SH3BP4: variants seen among roughly 807,000 people sequenced by gnomAD.
SH3BP4 encodes the protein SH3 domain-binding protein 4.
Under a neutral mutation model 65.5 loss-of-function variants are expected in SH3BP4, and 33 were observed. The ratio of observed to expected loss-of-function variants is 0.50; its 90% confidence interval spans 0.38 to 0.67. The LOEUF (loss-of-function observed/expected upper bound fraction) is 0.67, where lower values mean the gene tolerates loss of function less well. Among genes scored for constraint, SH3BP4 ranks in the 30% least tolerant of loss-of-function variants. The pLI, the probability that SH3BP4 is intolerant of heterozygous loss-of-function variation, is 0.00. For missense variants in SH3BP4, 1,134 were observed against 1,261.4 expected (o/e 0.90, Z 1.53); for synonymous variants, 552 against 545.5 (o/e 1.01, Z -0.17).
intron 2 of SH3BP4, among the ~76,000 whole-genome samples, chr2:235,032,602 T>A (rs1695240063): frequency 6.6e-6 from 1 of 152,186 alleles, no homozygotes; most frequent in Non-Finnish European, 1.5e-5. Flanking sequence ...CCGGGCTGCC[T>A]GGCTGTGGTA....
In SH3BP4 at chr2:234,967,622, C is replaced by T. The variant is rs1032722862; in HGVS notation, c.-207+15452C>T. 2.6e-5 allele frequency among the ~76,000 whole-genome samples: 4 copies of T among 152,298 alleles called. No homozygotes were observed. The highest frequency in any genetic ancestry group is 2.1e-4 in the South Asian group (1 of 4,828). The stretch of plus-strand genomic sequence containing the variant: ...GGAATTATTCTCATGGCTCCATATC[C>T]GCGTCAGGTTACCTCCTTCCCGTGC... On this transcript the variant is annotated intron_variant, in intron 1 of 5. Coordinates refer to ENST00000392011, the MANE Select transcript of SH3BP4 (RefSeq NM_014521.3). This position sits in a 1 kb window ranked among gnomAD's most constrained non-coding sequence, Gnocchi z 4.6.
At chr2:235,048,200 G>T (rs1427175824) in intron 4 of SH3BP4, among the ~76,000 whole-genome samples, 1 of 152,142 alleles carries the variant, frequency 6.6e-6, no homozygotes, top group Non-Finnish European at 1.5e-5. Context: ...AGGAGGATGG[G>T]CCCATTGTCC....
chr2:235,009,616 G>T (rs1413728081), intron 2 of SH3BP4, among the ~76,000 whole-genome samples: 20 of 151,978 alleles, frequency 1.3e-4, no homozygotes, highest in Non-Finnish European at 2.9e-4. Flanking sequence ...GCCTTTGGTG[G>T]TAACTGTTCT....
chr2:235,043,114 C>T lies in SH3BP4; in HGVS notation c.2345C>T (p.Pro782Leu), dbSNP rs374877819. 5 of 1,613,782 alleles carry T rather than the reference C, an allele frequency of 3.1e-6. No homozygotes were observed. Among genetic ancestry groups the T allele is most frequent in the Non-Finnish European group, 4.2e-6 (5 of 1,179,994 alleles). The change falls in exon 4 of 6, where the codon CCG becomes CTG. Residue 782 changes from proline to leucine, a missense_variant. Coordinates refer to ENST00000392011, the MANE Select transcript of SH3BP4 (RefSeq NM_014521.3). Reference sequence around the variant, plus strand: ...GACGCCCTGGGCTACGTGAACCTGCCGCTCACCTTTTTCTGCCGGGCAGAG... The same window carrying T: ...GACGCCCTGGGCTACGTGAACCTGCTGCTCACCTTTTTCTGCCGGGCAGAG... ...FADALGYVNL[P>L]LTFFCRAELD...
intron 3 of SH3BP4, among the ~76,000 whole-genome samples, chr2:235,040,472 C>G (rs558964317): frequency 6.6e-6 from 1 of 151,424 alleles, no homozygotes; most frequent in Non-Finnish European, 1.5e-5. Context: ...ATGCAGTGGT[C>G]ACCTAACTCA....
Position 235,053,792 on chromosome 2 carries a change from G to A in SH3BP4, c.2868G>A (p.Ala956=), listed in dbSNP as rs368908066. The A allele has an allele frequency of 1.4e-5, 23 of 1,614,042 alleles. No individual in the cohort carries two copies. Among genetic ancestry groups the A allele is most frequent in the African/African-American group, 4.0e-5 (3 of 74,940 alleles). The change falls in exon 6 of 6, where the codon GCG becomes GCA. Residue 956 remains alanine, a synonymous_variant. Coordinates refer to ENST00000392011, the MANE Select transcript of SH3BP4 (RefSeq NM_014521.3). ...TGAGAGCAGCCGCCTTCAGCCCTGC[G>A]GACCAGGACGACTTCGTGATTTGAA... ...DVLRAAAFSP[A]DQDDFVI
intron 2 of SH3BP4, among the ~76,000 whole-genome samples, chr2:235,031,223 C>T (rs568090363): frequency 3.9e-5 from 6 of 152,194 alleles, no homozygotes; most frequent in East Asian, 3.9e-4. Context: ...GTTGTTGACT[C>T]GTCTTCCTTG....
intron 2 of SH3BP4, among the ~76,000 whole-genome samples, chr2:235,024,511 C>T (rs1350409863): frequency 6.6e-6 from 1 of 152,150 alleles, no homozygotes; most frequent in African/African-American, 2.4e-5. Flanking sequence ...GTGTGTGTCA[C>T]TAATGAGAAC....
chr2:234,992,791 A>G (rs1693790544), intron 1 of SH3BP4, among the ~76,000 whole-genome samples: 1 of 141,814 alleles, frequency 7.1e-6, no homozygotes, highest in Admixed American at 7.1e-5. Context: ...AGATGGACAC[A>G]TTCCTGCCGT....
At chr2:235,009,283 C>T (rs1694398348) in intron 2 of SH3BP4, among the ~76,000 whole-genome samples, 1 of 152,186 alleles carries the variant, frequency 6.6e-6, no homozygotes, top group Non-Finnish European at 1.5e-5. Context: ...TGGGCCTCCA[C>T]TCTGCAAAGG....
At chr2:235,013,223 T>C (rs972557882) in intron 2 of SH3BP4, among the ~76,000 whole-genome samples, 1 of 152,206 alleles carries the variant, frequency 6.6e-6, no homozygotes, top group Non-Finnish European at 1.5e-5. Flanking sequence ...GCCTCCGCTG[T>C]CCGAGTGGCT....
chr2:235,046,136 C>G lies in SH3BP4; in HGVS notation c.2478+2889C>G, dbSNP rs766234165. ...CAGCTCCTGCAGATGCTATGCTGTTCCTCTTCCTGGAGCTCCCTTTCCCAG... is the reference window on the plus strand; with the variant it reads ...CAGCTCCTGCAGATGCTATGCTGTTGCTCTTCCTGGAGCTCCCTTTCCCAG... On this transcript the variant is annotated intron_variant, in intron 4 of 5. Transcript: ENST00000392011. This position sits in a 1 kb window ranked among gnomAD's most constrained non-coding sequence, Gnocchi z 4.2. Among the ~76,000 whole-genome samples the G allele has an allele frequency of 6.6e-6, 1 of 152,184 alleles. No homozygotes were observed. The highest frequency in any genetic ancestry group is 1.5e-5 in the Non-Finnish European group (1 of 68,034).
At chr2:234,998,902 C>G (rs1016238190) in intron 2 of SH3BP4, among the ~76,000 whole-genome samples, 10 of 152,170 alleles carry the variant, frequency 6.6e-5, no homozygotes, top group Non-Finnish European at 1.5e-5. Context: ...TTTGAGGTGT[C>G]CTGCAGGCAC....
intron 1 of SH3BP4, among the ~76,000 whole-genome samples, chr2:234,962,828 C>T (rs778299931): frequency 4.0e-5 from 6 of 151,608 alleles, no homozygotes; most frequent in Non-Finnish European, 8.8e-5. Context: ...TAGGTTCAAG[C>T]GATTCTCCCG....
rs1696183803 is a variant in SH3BP4 at position 235,055,101 on chromosome 2, C to T, written c.*1285C>T. On this transcript the variant is annotated 3_prime_UTR_variant, in exon 6 of 6. Coordinates refer to ENST00000392011, the MANE Select transcript of SH3BP4 (RefSeq NM_014521.3). ...GTGCAGACATGCTGTGTGAATCTCA[C>T]AATGCGTCGTAGATGTCGCGTGTTG... is the stretch of plus-strand genomic sequence containing the variant. The T allele has an allele frequency of 6.6e-6, 1 of 152,174 alleles. No homozygotes were observed. The highest frequency in any genetic ancestry group is 1.5e-5 in the Non-Finnish European group (1 of 68,040). The allele number at this position is 152,174 out of a possible 1,614,324, so 9.4% of individuals were successfully genotyped here. A position where few individuals can be genotyped will look rare whatever the true frequency, so the allele number is the denominator to read the frequency against.
Position 235,052,467 on chromosome 2 carries a change from A to G in SH3BP4, c.2479-95A>G, listed in dbSNP as rs6754815. 191,568 of 946,218 alleles carry G rather than the reference A, an allele frequency of 0.2. 23,070 individuals are homozygous for G. The highest frequency in any genetic ancestry group is 0.57 in the East Asian group (21,071 of 37,262). The allele number at this position is 946,218 out of a possible 1,614,324, so 58.6% of individuals were successfully genotyped here. On this transcript the variant is annotated intron_variant, in intron 4 of 5. Coordinates refer to ENST00000392011, the MANE Select transcript of SH3BP4 (RefSeq NM_014521.3). The surrounding 1 kb of genome is among the most constrained non-coding windows in gnomAD (Gnocchi z 5.0). Reference sequence around the variant, plus strand: ...AGGGAACATGGAGAATAGAGAGCCCATGGCCATTCCTGCGCCGTCTGCTGG... The same window carrying G: ...AGGGAACATGGAGAATAGAGAGCCCGTGGCCATTCCTGCGCCGTCTGCTGG...
rs1171610981 is a variant in SH3BP4 at position 234,974,131 on chromosome 2, C to T, written c.-206-21172C>T. On this transcript the variant is annotated intron_variant, in intron 1 of 5. Coordinates refer to ENST00000392011, the MANE Select transcript of SH3BP4 (RefSeq NM_014521.3). This position sits in a 1 kb window ranked among gnomAD's most constrained non-coding sequence, Gnocchi z 4.6. ...CTGTAATCCCAGCACTTTGGGAGGC[C>T]GAGGCAGGTGGATCACCTGAGGTCA... is the stretch of plus-strand genomic sequence containing the variant. 4.6e-5 allele frequency among the ~76,000 whole-genome samples: 7 copies of T among 151,954 alleles called. No homozygotes were observed. The highest frequency in any genetic ancestry group is 3.3e-4 in the Admixed American group (5 of 15,260).
rs535910179 is a variant in SH3BP4 at position 235,006,691 on chromosome 2, C to T, written c.-133+11315C>T. On this transcript the variant is annotated intron_variant, in intron 2 of 5. Transcript: ENST00000392011. ...CCCTTGGGCTCTCCGATGAGACTGG[C>T]AAGGCCAAGCATGTGAGGCCTGTTC... Among the ~76,000 whole-genome samples, 10 of 152,312 alleles carry T rather than the reference C, an allele frequency of 6.6e-5. No homozygotes were observed. The South Asian group carries it at 1.0e-3, about 16-fold the overall frequency.
chr2:235,004,093 G>A (rs776269361), intron 2 of SH3BP4, among the ~76,000 whole-genome samples: 62 of 152,266 alleles, frequency 4.1e-4, no homozygotes, highest in Non-Finnish European at 8.4e-4. Flanking sequence ...TGACTGACTA[G>A]GTACCCTCCT....
Sources: allele counts gnomAD v4.1 joint callset (sites outside exome capture counted in the v4.1 genomes callset), GRCh38; gene constraint gnomAD v4.1.1; non-coding constraint Gnocchi (gnomAD v3.1); transcripts MANE v1.5; gene names NCBI Gene and HGNC (gene_info 2026-07-23, HGNC 2026-07-21).